The following CHD8 variants were observed in gnomAD, a reference collection of about 807,000 sequenced individuals.
CHD8 encodes the protein ATP-dependent chromatin remodeler CHD8.
Under a neutral mutation model 279.2 loss-of-function variants are expected in CHD8, and 31 were observed. The observed-to-expected ratio is 0.11, with a 90% CI of 0.08 to 0.15. The LOEUF (loss-of-function observed/expected upper bound fraction) is 0.15. Ranked by LOEUF, CHD8 falls within the 10% of genes least tolerant of loss-of-function variation. The pLI, the probability that CHD8 is intolerant of heterozygous loss-of-function variation, is 1.00. For synonymous variants in CHD8, 1,081 were observed against 1,139.6 expected (o/e 0.95, Z 1.04); for missense variants, 2,146 against 3,230.5 (o/e 0.66, Z 8.14).
intron 1 of CHD8, chr14:21,436,804 C>A: frequency 2.3e-6 from 1 of 439,832 alleles, no homozygotes; most frequent in Non-Finnish European, 4.3e-6. Flanking sequence ...AGATTCTGCA[C>A]TCATGAAAAA....
Position 21,405,915 on chromosome 14 carries a change from TG to T in CHD8, c.2908-52del. ...AAAATTTAAAAACATGAAGGACTTC[TG>T]GGGTTTCCTATCAAGTATATAATCT... On this transcript the variant is annotated intron_variant, in intron 14 of 37. Coordinates refer to ENST00000646647, the MANE Select transcript of CHD8 (RefSeq NM_001170629.2). This position sits in a 1 kb window ranked among gnomAD's most constrained non-coding sequence, Gnocchi z 4.2. The T allele has an allele frequency of 6.9e-7, 1 of 1,450,982 alleles. No individual in the cohort carries two copies. Among genetic ancestry groups the T allele is most frequent in the Non-Finnish European group, 9.5e-7 (1 of 1,057,328 alleles). The allele number at this position is 1,450,982 out of a possible 1,614,324, so 89.9% of individuals were successfully genotyped here. A position where few individuals can be genotyped will look rare whatever the true frequency, so the allele number is the denominator to read the frequency against.
chr14:21,399,810 A>T, intron 25 of CHD8, 105 bp from the exon 26 acceptor site: 1 of 949,984 alleles, frequency 1.1e-6, no homozygotes, highest in Admixed American at 1.8e-5. Flanking sequence ...TAATTTAAAT[A>T]CTCATGCATC....
intron 10 of CHD8, among the ~76,000 whole-genome samples, chr14:21,411,988 TG>T (rs921630679): frequency 6.6e-6 from 1 of 151,186 alleles, no homozygotes; most frequent in Non-Finnish European, 1.5e-5. Context: ...TACTTGAATC[TG>T]GGAGGCGGAG....
chr14:21,437,334 C>T (rs577683151), intron 1 of CHD8: 3 of 1,003,196 alleles, frequency 3.0e-6, no homozygotes, highest in East Asian at 7.9e-5. Flanking sequence ...TCACCAAAGG[C>T]GAAAAGACGC....
At chr14:21,418,316 A>C (rs1051072510) in intron 5 of CHD8, among the ~76,000 whole-genome samples, 6 of 148,960 alleles carry the variant, frequency 4.0e-5, no homozygotes, top group Admixed American at 4.0e-4. Context: ...TCAGGAGTTC[A>C]AGACCAGCCT....
intron 37 of CHD8, among the ~76,000 whole-genome samples, chr14:21,389,302 GAA>G (rs5807077): frequency 6.6e-4 from 90 of 135,682 alleles, no homozygotes; most frequent in African/African-American, 2.0e-3. Flanking sequence ...TCCGTCTCAG[GAA>G]AAAAAAAAAA....
intron 10 of CHD8, among the ~76,000 whole-genome samples, chr14:21,410,362 C>T (rs1888436564): frequency 6.6e-6 from 1 of 152,130 alleles, no homozygotes; most frequent in South Asian, 2.1e-4. Flanking sequence ...AAATTTGACA[C>T]AGTGGCAGCT....
chr14:21,428,289 T>G, intron 3 of CHD8, 35 bp from the exon 4 acceptor site: 1 of 1,598,546 alleles, frequency 6.3e-7, no homozygotes, highest in Non-Finnish European at 8.5e-7. Flanking sequence ...TTCAACTTGC[T>G]TGTAGTTAAA....
intron 1 of CHD8, among the ~76,000 whole-genome samples, chr14:21,440,750 G>A (rs1357044310): frequency 2.0e-5 from 3 of 152,182 alleles, no homozygotes; most frequent in Non-Finnish European, 4.4e-5. Context: ...GGGCCAGAGC[G>A]TGGAGAGCCT....
In CHD8 at chr14:21,408,077, C is replaced by T. The variant is rs1027201674; in HGVS notation, c.2730+235G>A. Among the ~76,000 whole-genome samples, 9 of 152,104 alleles carry T rather than the reference C, an allele frequency of 5.9e-5. No individual in the cohort carries two copies. Among genetic ancestry groups the T allele is most frequent in the Non-Finnish European group, 1.2e-4 (8 of 67,992 alleles). On this transcript the variant is annotated intron_variant, in intron 13 of 37. Coordinates refer to ENST00000646647, the MANE Select transcript of CHD8 (RefSeq NM_001170629.2). This position sits in a 1 kb window ranked among gnomAD's most constrained non-coding sequence, Gnocchi z 4.3. ...AAATTCTACTTAAAATGTGTATGTT[C>T]ATAAATAAAATCAGAACTTCTACCA...
intron 2 of CHD8, chr14:21,429,703 G>A: frequency 2.7e-6 from 1 of 365,010 alleles, no homozygotes; most frequent in South Asian, 2.1e-5. Flanking sequence ...GCAGACACCT[G>A]ATTGGCATAG....
At position 21,392,755 on chromosome 14, in the gene CHD8, T is replaced by C; in HGVS notation, c.6523A>G (p.Lys2175Glu). 6.2e-7 allele frequency: 1 copy of C among 1,613,966 alleles called. No individual in the cohort carries two copies. The highest frequency in any genetic ancestry group is 8.5e-7 in the Non-Finnish European group (1 of 1,179,888). The change falls in exon 34 of 38, where the codon AAG (lysine) becomes GAG (glutamate). Residue 2175 changes from lysine to glutamate, a missense_variant. By Grantham distance (56) the Lys-to-Glu change is moderately conservative. Around this residue, in one of 26 missense-constraint regions of CHD8, gnomAD observed 513 missense variants for 637.6 expected, o/e 0.80. Coordinates refer to ENST00000646647, the MANE Select transcript of CHD8 (RefSeq NM_001170629.2). ...TGGCTCCTACGGCTAGAAGGCCACT[T>C]CCCTGAGAGTACAGCCTGGCAGACG... ...DLVCQAVLSG[K>E]WPSSRRSQEM...
In CHD8 at chr14:21,388,193, C is replaced by T. The variant is rs148668685; in HGVS notation, c.7183-2017G>A. Among the ~76,000 whole-genome samples, 90 of 152,272 alleles carry T rather than the reference C, an allele frequency of 5.9e-4. 2 individuals are homozygous for T. The East Asian group carries it at 0.016, about 27-fold the overall frequency. On this transcript the variant is annotated intron_variant, in intron 37 of 37. Transcript: ENST00000646647. ...TTAAATGCAAAATATTGATAGTTTA[C>T]TTTAAAATTAATTTTGTTAAAAGAT...
chr14:21,443,259 C>G (rs1031269675), intron 1 of CHD8, among the ~76,000 whole-genome samples: 1 of 151,462 alleles, frequency 6.6e-6, no homozygotes, highest in Admixed American at 6.6e-5. Context: ...GGTGTGGTGG[C>G]GGGCACCTAT....
At chr14:21,404,577 GA>G (rs1888181861) in intron 16 of CHD8, among the ~76,000 whole-genome samples, 1 of 152,174 alleles carries the variant, frequency 6.6e-6, no homozygotes, top group Non-Finnish European at 1.5e-5. Context: ...GAGTGTCGAT[GA>G]GGACATTTAT....
chr14:21,423,134 A>C (rs1889127536), intron 5 of CHD8, among the ~76,000 whole-genome samples: 1 of 151,858 alleles, frequency 6.6e-6, no homozygotes, highest in Non-Finnish European at 1.5e-5. Context: ...CAGGAGAATC[A>C]CTTGAACCGA....
rs189675707 is a variant in CHD8, at chr14:21,408,036, T to C, written c.2730+276A>G. Reference sequence around the variant, plus strand: ...TTTTTGTAAAATACTGTGATTAAAATTCATTGATGCTGACAAAATTCTACT... The same window carrying C: ...TTTTTGTAAAATACTGTGATTAAAACTCATTGATGCTGACAAAATTCTACT... On this transcript the variant is annotated intron_variant, in intron 13 of 37. Transcript: ENST00000646647. The surrounding 1 kb of genome is among the most constrained non-coding windows in gnomAD (Gnocchi z 4.3). 8.5e-5 allele frequency among the ~76,000 whole-genome samples: 13 copies of C among 152,290 alleles called. No individual in the cohort carries two copies. Among genetic ancestry groups the C allele is most frequent in the African/African-American group, 2.6e-4 (11 of 41,574 alleles).
At position 21,386,021 on chromosome 14, in the gene CHD8, C is replaced by T. The variant is rs746978340; in HGVS notation, c.7338G>A (p.Thr2446=). 47 of 1,595,912 alleles carry T rather than the reference C, an allele frequency of 2.9e-5. No homozygotes were observed. Among genetic ancestry groups the T allele is most frequent in the South Asian group, 4.6e-5 (4 of 87,478 alleles). ...GTAGGCCACTACTGCTGTGTTGGAA[C>T]GTGTTATGCAGAGATAGAGACCCAG... ...GSTGSLSLHN[T]FQHSSSGLQS... is the part of the protein sequence containing the mutation. The change falls in exon 38 of 38, where the codon ACG becomes ACA. Residue 2446 remains threonine (T), a synonymous_variant. Transcript: ENST00000646647.
intron 4 of CHD8, 42 bp from the exon 5 acceptor site, chr14:21,426,284 A>G (rs1405901688): frequency 9.9e-7 from 1 of 1,009,046 alleles, no homozygotes; most frequent in East Asian, 2.5e-5. Context: ...GAAAGCAAAG[A>G]AAATTTAGGA....
Sources: gnomAD v4.1 joint callset for allele counts (sites outside exome capture counted in the v4.1 genomes callset) on GRCh38, gnomAD v4.1.1 for gene constraint, gnomAD v4.1.1 regional missense constraint, Gnocchi (gnomAD v3.1) non-coding constraint, MANE v1.5 for transcripts, NCBI Gene and HGNC (gene_info 2026-07-23, HGNC 2026-07-21) for gene names.